PCDH9: variants seen among roughly 807,000 people sequenced by gnomAD.
PCDH9 encodes the protein protocadherin 9.
In PCDH9, 24 loss-of-function variants were observed where a neutral mutation model predicts 70.6. The observed-to-expected ratio is 0.34, with a 90% CI of 0.25 to 0.48. The LOEUF (loss-of-function observed/expected upper bound fraction) is 0.48. Ranked by LOEUF, PCDH9 falls within the 20% of genes least tolerant of loss-of-function variation. The pLI is 0.99. For synonymous variants in PCDH9, 562 were observed against 558.5 expected (o/e 1.01, Z -0.09); for missense variants, 1,281 against 1,503.6 (o/e 0.85, Z 2.45).
At chr13:66,790,397 T>C (rs2080145593) in intron 3 of PCDH9, among the ~76,000 whole-genome samples, 2 of 152,094 alleles carry the variant, frequency 1.3e-5, no homozygotes, top group South Asian at 4.1e-4. Context: ...TACTCATTTT[T>C]CAATCACCTC....
chr13:66,756,122 A>G (rs182660127), intron 3 of PCDH9, among the ~76,000 whole-genome samples: 4 of 152,314 alleles, frequency 2.6e-5, no homozygotes, highest in Admixed American at 2.6e-4. Context: ...TTAGATTTAG[A>G]TCTACAAACT....
intron 2 of PCDH9, among the ~76,000 whole-genome samples, chr13:67,037,301 C>T (rs1016952679): frequency 3.9e-5 from 6 of 152,266 alleles, no homozygotes; most frequent in Admixed American, 3.3e-4. Context: ...CGACTTGCAA[C>T]GAAATGGTTT....
chr13:66,781,687 A>T (rs1397869121), intron 3 of PCDH9, among the ~76,000 whole-genome samples: 1 of 152,164 alleles, frequency 6.6e-6, no homozygotes, highest in African/African-American at 2.4e-5. Context: ...ACTAAACTAG[A>T]AAAAACATAT....
chr13:66,361,020 G>A (rs1361855331), intron 4 of PCDH9, among the ~76,000 whole-genome samples: 1 of 152,064 alleles, frequency 6.6e-6, no homozygotes, highest in Non-Finnish European at 1.5e-5. Context: ...GTTTCCTCAA[G>A]TGCTCTTATA....
chr13:66,600,388 TC>T (rs1408610695), intron 4 of PCDH9, among the ~76,000 whole-genome samples: 1 of 151,924 alleles, frequency 6.6e-6, no homozygotes, highest in African/African-American at 2.4e-5. Flanking sequence ...CTATATTTTT[TC>T]TAGAAAACAA....
At chr13:66,370,048 C>T (rs1206388542) in intron 4 of PCDH9, among the ~76,000 whole-genome samples, 2 of 152,066 alleles carry the variant, frequency 1.3e-5, no homozygotes, top group Non-Finnish European at 2.9e-5. Context: ...ATCCACTGGT[C>T]CCAAGAAGGC....
At chr13:66,547,145 T>A (rs1961243648) in intron 4 of PCDH9, among the ~76,000 whole-genome samples, 1 of 152,222 alleles carries the variant, frequency 6.6e-6, no homozygotes, top group Non-Finnish European at 1.5e-5. Context: ...CAATTTAAAA[T>A]TTGTAAATTA....
intron 2 of PCDH9, among the ~76,000 whole-genome samples, chr13:67,120,638 G>A (rs1382988695): frequency 6.6e-6 from 1 of 151,998 alleles, no homozygotes; most frequent in East Asian, 1.9e-4. Flanking sequence ...TCATACTTCA[G>A]TCACATTCTA....
chr13:66,801,955 T>C (rs1217150485), intron 3 of PCDH9, among the ~76,000 whole-genome samples: 1 of 151,880 alleles, frequency 6.6e-6, no homozygotes, highest in Non-Finnish European at 1.5e-5. Context: ...AATGTGTATG[T>C]TGAATTTCTA....
chr13:67,053,948 T>C (rs1014051238), intron 2 of PCDH9, among the ~76,000 whole-genome samples: 2 of 152,164 alleles, frequency 1.3e-5, no homozygotes, highest in Non-Finnish European at 2.9e-5. Flanking sequence ...CTCTTTTCAG[T>C]GAAAGTGAGT....
intron 4 of PCDH9, among the ~76,000 whole-genome samples, chr13:66,616,160 A>G (rs564314775): frequency 4.0e-4 from 61 of 152,290 alleles, no homozygotes; most frequent in African/African-American, 1.5e-3. Context: ...TAGGAGCTCT[A>G]AGTTTATCTT....
At chr13:66,463,053 T>A (rs1437099860) in intron 4 of PCDH9, among the ~76,000 whole-genome samples, 1 of 151,856 alleles carries the variant, frequency 6.6e-6, no homozygotes, top group Non-Finnish European at 1.5e-5. Context: ...TATAATTCTC[T>A]CTCTCTCTTC....
chr13:66,377,258 A>G (rs1023774780), intron 4 of PCDH9, among the ~76,000 whole-genome samples: 1 of 152,086 alleles, frequency 6.6e-6, no homozygotes, highest in Non-Finnish European at 1.5e-5. Flanking sequence ...GTTGTTCTCA[A>G]ATCTTAGAAG....
intron 4 of PCDH9, among the ~76,000 whole-genome samples, chr13:66,436,583 G>C (rs908242926): frequency 2.6e-5 from 4 of 151,982 alleles, no homozygotes; most frequent in African/African-American, 9.7e-5. Context: ...CTATTCCTGT[G>C]TCCCAACTTT....
intron 2 of PCDH9, among the ~76,000 whole-genome samples, chr13:67,138,587 C>T (rs999167217): frequency 6.6e-6 from 1 of 152,132 alleles, no homozygotes; most frequent in Non-Finnish European, 1.5e-5. Context: ...TAGGGCGTAC[C>T]CCGAGTCACC....
chr13:66,539,625 C>G (rs1317438681), intron 4 of PCDH9, among the ~76,000 whole-genome samples: 1 of 152,036 alleles, frequency 6.6e-6, no homozygotes, highest in African/African-American at 2.4e-5. Flanking sequence ...GAATCTGAAG[C>G]TAAATAAATG....
At chr13:66,578,240 A>G (rs2076841776) in intron 4 of PCDH9, among the ~76,000 whole-genome samples, 1 of 152,056 alleles carries the variant, frequency 6.6e-6, no homozygotes, top group Non-Finnish European at 1.5e-5. Flanking sequence ...CTAGCCTCAT[A>G]TTATCTTCCT....
intron 2 of PCDH9, among the ~76,000 whole-genome samples, chr13:66,998,830 C>A (rs1303415193): frequency 1.3e-5 from 2 of 152,072 alleles, no homozygotes. Context: ...TGTTGTTCTT[C>A]AATTCATTCT....
chr13:66,590,835 A>G (rs575341394), intron 4 of PCDH9, among the ~76,000 whole-genome samples: 1 of 151,862 alleles, frequency 6.6e-6, no homozygotes, highest in South Asian at 2.1e-4. Flanking sequence ...CTATTTCTCC[A>G]TTTACATCCT....
Sources: gnomAD v4.1 joint callset for allele counts (sites outside exome capture counted in the v4.1 genomes callset) on GRCh38, gnomAD v4.1.1 for gene constraint, MANE v1.5 for transcripts, NCBI Gene and HGNC (gene_info 2026-07-23, HGNC 2026-07-21) for gene names.